Variants in B4GALT5 observed in about 807,000 individuals in gnomAD.
B4GALT5 encodes beta-1,4-galactosyltransferase 5.
B4GALT5 carries 11 observed loss-of-function variants against 45.0 expected under a neutral mutation model. The observed-to-expected ratio is 0.24, with a 90% CI of 0.15 to 0.40. The LOEUF (loss-of-function observed/expected upper bound fraction) is 0.40, where lower values mean the gene tolerates loss of function less well. B4GALT5 is among the 10% of genes least tolerant of loss of function. B4GALT5 has a pLI of 1.00. For synonymous variants in B4GALT5, 185 were observed against 182.9 expected (o/e 1.01, Z -0.09); for missense variants, 337 against 500.2 (o/e 0.67, Z 3.11).
intron 1 of B4GALT5, among the ~76,000 whole-genome samples, chr20:49,659,943 C>T (rs545241619): frequency 1.8e-4 from 27 of 152,096 alleles, no homozygotes; most frequent in Non-Finnish European, 2.6e-4. Flanking sequence ...CCATGCCTGG[C>T]TAATTTTTGT....
intron 1 of B4GALT5, among the ~76,000 whole-genome samples, chr20:49,670,367 G>GT (rs1354685108): frequency 6.6e-6 from 1 of 152,206 alleles, no homozygotes; most frequent in African/African-American, 2.4e-5. Context: ...CTGTTAGGGA[G>GT]TAACAGTGAT....
At chr20:49,704,457 C>T (rs1357149714) in intron 1 of B4GALT5, among the ~76,000 whole-genome samples, 1 of 152,134 alleles carries the variant, frequency 6.6e-6, no homozygotes, top group East Asian at 1.9e-4. Flanking sequence ...CGGTGGCTCA[C>T]GCCTGTAATC....
chr20:49,709,170 GT>G (rs2085897254), intron 1 of B4GALT5, among the ~76,000 whole-genome samples: 1 of 152,050 alleles, frequency 6.6e-6, no homozygotes, highest in Non-Finnish European at 1.5e-5. Context: ...GAGTACGGAA[GT>G]ACTCTGAGCT....
chr20:49,641,265 AAAGGG>A (rs1363482894), intron 5 of B4GALT5, among the ~76,000 whole-genome samples: 6 of 152,250 alleles, frequency 3.9e-5, no homozygotes, highest in Admixed American at 3.9e-4. Context: ...CCCGCTCCAC[AAAGGG>A]AAGAGACAAC....
rs1984462884 is a variant in B4GALT5, at chr20:49,634,536, A to ATT, written c.*1775_*1776insAA. ...TGAGGGCTTTGGTTTGGGGAAAAAC[A>ATT]AAGAGGCACAAATTCAAATACAATT... On this transcript the variant is annotated 3_prime_UTR_variant, in exon 9 of 9. Transcript: ENST00000371711. The ATT allele has an allele frequency of 6.6e-6, 1 of 152,184 alleles. No individual in the cohort carries two copies. The highest frequency in any genetic ancestry group is 2.4e-5 in the African/African-American group (1 of 41,430). The allele number at this position is 152,184 out of a possible 1,614,324, so 9.4% of individuals were successfully genotyped here.
intron 1 of B4GALT5, among the ~76,000 whole-genome samples, chr20:49,683,545 C>T (rs2085772922): frequency 6.6e-6 from 1 of 151,888 alleles, no homozygotes; most frequent in Non-Finnish European, 1.5e-5. Context: ...AGGCACCCAC[C>T]ATCATGCCCG....
chr20:49,687,438 G>A (rs754994451), intron 1 of B4GALT5, among the ~76,000 whole-genome samples: 10 of 152,184 alleles, frequency 6.6e-5, no homozygotes, highest in Non-Finnish European at 1.3e-4. Context: ...AAGGTCAGTA[G>A]TTCGAGACCA....
chr20:49,697,295 C>G (rs569262970), intron 1 of B4GALT5, among the ~76,000 whole-genome samples: 9 of 152,262 alleles, frequency 5.9e-5, no homozygotes, highest in Non-Finnish European at 1.0e-4. Flanking sequence ...GCTCCTCAAG[C>G]GCAGCGGCGC....
intron 7 of B4GALT5, among the ~76,000 whole-genome samples, chr20:49,638,972 G>A (rs1250809846): frequency 6.6e-6 from 1 of 152,120 alleles, no homozygotes; most frequent in African/African-American, 2.4e-5. Flanking sequence ...CCTATTGAGA[G>A]CTTATCACAT....
intron 8 of B4GALT5, among the ~76,000 whole-genome samples, 159 bp from the exon 9 acceptor site, chr20:49,636,618 G>A (rs2085555115): frequency 1.3e-5 from 2 of 152,184 alleles, no homozygotes; most frequent in African/African-American, 4.8e-5. Flanking sequence ...ATGCCAGGCT[G>A]AGTGCTGTGG....
intron 1 of B4GALT5, among the ~76,000 whole-genome samples, chr20:49,709,003 C>G (rs994899107): frequency 1.5e-4 from 23 of 152,128 alleles, no homozygotes; most frequent in African/African-American, 4.3e-4. Flanking sequence ...TCTCTTGAAA[C>G]CGATAACTGT....
chr20:49,654,610 T>C (rs190420962), intron 2 of B4GALT5, among the ~76,000 whole-genome samples: 43 of 152,358 alleles, frequency 2.8e-4, no homozygotes, highest in Non-Finnish European at 5.6e-4. Context: ...GCAATTCTTT[T>C]AAGAGAGGCA....
intron 1 of B4GALT5, among the ~76,000 whole-genome samples, chr20:49,691,584 T>C (rs1019751216): frequency 2.0e-5 from 3 of 152,154 alleles, no homozygotes; most frequent in African/African-American, 7.2e-5. Flanking sequence ...CCACATTTTC[T>C]TACAGGACTG....
intron 1 of B4GALT5, among the ~76,000 whole-genome samples, chr20:49,699,573 A>G (rs1044723170): frequency 2.6e-5 from 4 of 152,136 alleles, no homozygotes; most frequent in African/African-American, 9.7e-5. Flanking sequence ...ATCTAAATAC[A>G]TTGCTTTTTC....
intron 1 of B4GALT5, among the ~76,000 whole-genome samples, chr20:49,660,997 A>G (rs2085662674): frequency 6.6e-6 from 1 of 152,216 alleles, no homozygotes; most frequent in Non-Finnish European, 1.5e-5. Context: ...TAATAAACTT[A>G]GGCCATGGCT....
At chr20:49,680,961 A>C (rs534901935) in intron 1 of B4GALT5, among the ~76,000 whole-genome samples, 1 of 152,254 alleles carries the variant, frequency 6.6e-6, no homozygotes, top group South Asian at 2.1e-4. Context: ...TTATAATTTA[A>C]TAAGTTCCAG....
chr20:49,706,636 C>G (rs909022821), intron 1 of B4GALT5, among the ~76,000 whole-genome samples: 4 of 152,114 alleles, frequency 2.6e-5, no homozygotes, highest in Non-Finnish European at 5.9e-5. Context: ...GCAAGCATAC[C>G]TTTATTGGCT....
chr20:49,675,482 T>A (rs1273650422), intron 1 of B4GALT5, among the ~76,000 whole-genome samples: 1 of 152,194 alleles, frequency 6.6e-6, no homozygotes, highest in African/African-American at 2.4e-5. Context: ...CAGAGGCCAA[T>A]TAACATTTCC....
At chr20:49,693,065 A>C (rs1278100026) in intron 1 of B4GALT5, among the ~76,000 whole-genome samples, 1 of 152,248 alleles carries the variant, frequency 6.6e-6, no homozygotes, top group African/African-American at 2.4e-5. Flanking sequence ...ATAATAGGCT[A>C]TACCATACAG....
Sources: allele counts gnomAD v4.1 joint callset (sites outside exome capture counted in the v4.1 genomes callset), GRCh38; gene constraint gnomAD v4.1.1; transcripts MANE v1.5; gene names NCBI Gene and HGNC (gene_info 2026-07-23, HGNC 2026-07-21).